The following FBXO36 variants were observed in gnomAD, a reference collection of about 807,000 sequenced individuals.
The protein encoded by FBXO36 is F-box only protein 36.
A neutral mutation model predicts 17.0 loss-of-function variants in FBXO36; 18 were observed. The ratio of observed to expected loss-of-function variants is 1.06; its 90% CI spans 0.73 to 1.57. FBXO36 has a LOEUF of 1.57. Among genes scored for constraint, FBXO36 ranks in the 40% most tolerant of loss-of-function variants. FBXO36 has a pLI of 0.00. For missense variants in FBXO36, 229 were observed against 221.9 expected, an observed-to-expected ratio of 1.03 and a Z score of -0.20; for synonymous variants, 83 against 85.3, an observed-to-expected ratio of 0.97 and a Z score of 0.15.
chr2:230,007,384 GGA>G (rs746991088), intron 3 of FBXO36, among the ~76,000 whole-genome samples: 1 of 152,132 alleles, frequency 6.6e-6, no homozygotes, highest in South Asian at 2.1e-4. Context: ...TGTTGGCTGT[GGA>G]GAGAGAGATT....
At chr2:229,960,945 C>G (rs2077117524) in intron 1 of FBXO36, among the ~76,000 whole-genome samples, 1 of 152,082 alleles carries the variant, frequency 6.6e-6, no homozygotes, top group Non-Finnish European at 1.5e-5. Context: ...CCCAACTCTA[C>G]TAAAAATACA....
intron 1 of FBXO36, among the ~76,000 whole-genome samples, chr2:229,936,065 G>C (rs760241266): frequency 6.6e-6 from 1 of 152,170 alleles, no homozygotes; most frequent in Non-Finnish European, 1.5e-5. Context: ...GTGGACGCTT[G>C]TAATCCCAGC....
chr2:229,948,982 G>A (rs1336153626), intron 1 of FBXO36, among the ~76,000 whole-genome samples: 3 of 151,902 alleles, frequency 2.0e-5, no homozygotes, highest in Non-Finnish European at 4.4e-5. Flanking sequence ...TACAGGCGCC[G>A]GCCACCACAC....
intron 1 of FBXO36, among the ~76,000 whole-genome samples, chr2:229,935,803 A>T (rs978708296): frequency 3.9e-5 from 6 of 152,212 alleles, no homozygotes; most frequent in African/African-American, 1.4e-4. Flanking sequence ...TCTTCTGTGT[A>T]TCAAGTGCTA....
intron 2 of FBXO36, among the ~76,000 whole-genome samples, chr2:229,994,291 C>T (rs753322567): frequency 6.6e-6 from 1 of 152,098 alleles, no homozygotes; most frequent in Non-Finnish European, 1.5e-5. Flanking sequence ...GGCTATTCCT[C>T]ACCCCCCAAG....
At chr2:230,008,891 G>A (rs373582837) in intron 3 of FBXO36, among the ~76,000 whole-genome samples, 6 of 152,170 alleles carry the variant, frequency 3.9e-5, no homozygotes, top group African/African-American at 1.4e-4. Flanking sequence ...AATGCTTTAA[G>A]GTCTGTAGAT....
At position 229,977,971 on chromosome 2, in the gene FBXO36, G is replaced by A. The variant is rs541953700; in HGVS notation, c.205+1622G>A. Among the ~76,000 whole-genome samples, 31 of 152,176 alleles carry A rather than the reference G, an allele frequency of 2.0e-4. No individual in the cohort carries two copies. In the South Asian group the frequency reaches 2.7e-3, roughly 13 times the overall value. ...AATTACTCCTTAAAAATAAAAATTTGCCAGGTGCAGTGGTTCATACCTGTA... is the reference window on the plus strand; with the variant it reads ...AATTACTCCTTAAAAATAAAAATTTACCAGGTGCAGTGGTTCATACCTGTA... On this transcript the variant is annotated intron_variant, in intron 2 of 3. Coordinates refer to ENST00000283946, the MANE Select transcript of FBXO36 (RefSeq NM_174899.5).
At chr2:229,985,374 G>T (rs1033661810) in intron 2 of FBXO36, among the ~76,000 whole-genome samples, 1 of 152,004 alleles carries the variant, frequency 6.6e-6, no homozygotes, top group Non-Finnish European at 1.5e-5. Context: ...TACCCCTTTT[G>T]CCACCATGCC....
chr2:229,975,011 C>A (rs2077199890), intron 1 of FBXO36, among the ~76,000 whole-genome samples: 1 of 152,040 alleles, frequency 6.6e-6, no homozygotes, highest in Non-Finnish European at 1.5e-5. Context: ...AATTACCTAC[C>A]CAGCTCCATT....
chr2:229,935,714 A>G (rs959448181), intron 1 of FBXO36, among the ~76,000 whole-genome samples: 2 of 152,102 alleles, frequency 1.3e-5, no homozygotes, highest in African/African-American at 4.8e-5. Flanking sequence ...TTGGAATTGA[A>G]GGGTATCCTA....
rs537348860 is a variant in FBXO36, at chr2:229,935,606, G to T, written c.96+12997G>T. ...TTTCAATGCTTTTTTTCTGAATTTG[G>T]TATTTGATAAGGAGATAAGAATTTG... On this transcript the variant is annotated intron_variant, in intron 1 of 3. Coordinates refer to ENST00000283946, the MANE Select transcript of FBXO36 (RefSeq NM_174899.5). Among the ~76,000 whole-genome samples, 25 of 152,216 alleles carry T rather than the reference G, an allele frequency of 1.6e-4. No homozygotes were observed. In the South Asian group the frequency reaches 4.8e-3, roughly 29 times the overall value.
At chr2:229,932,881 A>C (rs961008028) in intron 1 of FBXO36, 2 of 335,152 alleles carry the variant, frequency 6.0e-6, no homozygotes, top group Admixed American at 3.1e-5. Context: ...CAGCCTGACA[A>C]ACATGGTGAA....
At chr2:229,939,782 C>A (rs2076987877) in intron 1 of FBXO36, among the ~76,000 whole-genome samples, 1 of 152,110 alleles carries the variant, frequency 6.6e-6, no homozygotes, top group African/African-American at 2.4e-5. Flanking sequence ...TCCTCGAGAC[C>A]CTATAGGAGC....
rs149438648 is a variant in FBXO36, at chr2:230,010,743, C to T, written c.426C>T (p.Cys142=). 2.4e-5 allele frequency: 39 copies of T among 1,613,534 alleles called. No homozygotes were observed. The South Asian group carries it at 2.9e-4, about 12-fold the overall frequency. Reference sequence around the variant, plus strand: ...GGGAACAGATAGTCCAGTCGACCTGCGACACCATCACTCCTGACGTGAGGG... The same window carrying T: ...GGGAACAGATAGTCCAGTCGACCTGTGACACCATCACTCCTGACGTGAGGG... The part of the protein sequence containing the change: ...KLWEQIVQST[C]DTITPDVRAL... Residue 142 remains cysteine, a synonymous_variant, in exon 4 of 4, where the codon TGC becomes TGT. Transcript: ENST00000283946.
chr2:229,991,166 C>G (rs562951809), intron 2 of FBXO36, among the ~76,000 whole-genome samples: 5 of 152,254 alleles, frequency 3.3e-5, no homozygotes, highest in African/African-American at 1.2e-4. Context: ...GAACTCATGA[C>G]CTTAAGTAAT....
intron 3 of FBXO36, among the ~76,000 whole-genome samples, chr2:230,005,547 A>T (rs916005217): frequency 3.3e-5 from 5 of 152,268 alleles, no homozygotes; most frequent in Non-Finnish European, 7.3e-5. Context: ...AATATATTGA[A>T]ATATGCATGA....
At chr2:229,938,716 G>A (rs1347766462) in intron 1 of FBXO36, among the ~76,000 whole-genome samples, 1 of 147,756 alleles carries the variant, frequency 6.8e-6, no homozygotes, top group Non-Finnish European at 1.5e-5. Flanking sequence ...AAGCCACCGC[G>A]CCCGGCCGGA....
chr2:229,997,016 T>C, intron 3 of FBXO36, 93 bp downstream of exon 3: 1 of 1,147,012 alleles, frequency 8.7e-7, no homozygotes. Context: ...AGTACTAACT[T>C]TGTGATGGAC....
intron 1 of FBXO36, among the ~76,000 whole-genome samples, chr2:229,970,160 G>A (rs553518276): frequency 6.6e-6 from 1 of 152,102 alleles, no homozygotes; most frequent in South Asian, 2.1e-4. Flanking sequence ...TTGCACTCCT[G>A]GGCATTTATC....
Sources: allele counts gnomAD v4.1 joint callset (sites outside exome capture counted in the v4.1 genomes callset), GRCh38; gene constraint gnomAD v4.1.1; transcripts MANE v1.5; gene names NCBI Gene and HGNC (gene_info 2026-07-23, HGNC 2026-07-21).